The following LHFPL6 variants were observed in gnomAD, a reference collection of about 807,000 sequenced individuals.
LHFPL6 encodes LHFPL tetraspan subfamily member 6.
In LHFPL6, 9 loss-of-function variants were observed where a neutral mutation model predicts 20.6. The observed-to-expected ratio is 0.44, with a 90% CI of 0.26 to 0.76. LHFPL6 has a LOEUF of 0.76. Among genes scored for constraint, LHFPL6 ranks in the 30% least tolerant of loss-of-function variants. The pLI is 0.20. For synonymous variants in LHFPL6, 105 were observed against 98.7 expected, an observed-to-expected ratio of 1.06 and a Z score of -0.38; for missense variants, 218 against 253.5, an observed-to-expected ratio of 0.86 and a Z score of 0.95.
At chr13:39,552,548 A>T (rs1024672610) in intron 2 of LHFPL6, among the ~76,000 whole-genome samples, 4 of 152,236 alleles carry the variant, frequency 2.6e-5, no homozygotes, top group Admixed American at 1.3e-4. Context: ...ATTCCACTTC[A>T]TAAGGGACAC....
chr13:39,403,758 A>G (rs1307918856), intron 2 of LHFPL6, among the ~76,000 whole-genome samples: 1 of 152,222 alleles, frequency 6.6e-6, no homozygotes, highest in Non-Finnish European at 1.5e-5. Context: ...TAAGATATTC[A>G]AAGTATGTGC....
At chr13:39,344,291 T>C (rs1221617432) in intron 3 of LHFPL6, among the ~76,000 whole-genome samples, 1 of 151,600 alleles carries the variant, frequency 6.6e-6, no homozygotes, top group Non-Finnish European at 1.5e-5. Context: ...AGAAGTCTAG[T>C]CTCCTCCACC....
At chr13:39,476,179 T>G (rs1873080054) in intron 2 of LHFPL6, among the ~76,000 whole-genome samples, 1 of 152,218 alleles carries the variant, frequency 6.6e-6, no homozygotes. Flanking sequence ...AACATCTATT[T>G]GTTTAATTTT....
chr13:39,564,084 A>G (rs1023630714), intron 2 of LHFPL6, among the ~76,000 whole-genome samples: 1 of 151,242 alleles, frequency 6.6e-6, no homozygotes, highest in Admixed American at 6.6e-5. Context: ...GAGAGTCATT[A>G]AATCCAGGAG....
intron 2 of LHFPL6, among the ~76,000 whole-genome samples, chr13:39,534,798 G>T (rs1870567255): frequency 6.6e-6 from 1 of 152,138 alleles, no homozygotes; most frequent in South Asian, 2.1e-4. Flanking sequence ...TACATAAATT[G>T]AAATTAATAA....
intron 2 of LHFPL6, among the ~76,000 whole-genome samples, chr13:39,436,191 T>C (rs1052715750): frequency 2.0e-5 from 3 of 152,196 alleles, no homozygotes; most frequent in Admixed American, 2.0e-4. Context: ...TAAGAAAATT[T>C]TGTGCAGCCA....
chr13:39,490,023 T>C (rs1267195984), intron 2 of LHFPL6, among the ~76,000 whole-genome samples: 1 of 152,036 alleles, frequency 6.6e-6, no homozygotes, highest in Non-Finnish European at 1.5e-5. Flanking sequence ...TCAAATCAAA[T>C]CCAAACTGCT....
chr13:39,586,714 C>T (rs953439284), intron 2 of LHFPL6, among the ~76,000 whole-genome samples: 6 of 152,204 alleles, frequency 3.9e-5, no homozygotes, highest in Non-Finnish European at 7.3e-5. Context: ...TTCTCACCAT[C>T]GCTGGCCAAC....
intron 2 of LHFPL6, among the ~76,000 whole-genome samples, chr13:39,389,960 C>T (rs1870660924): frequency 6.6e-6 from 1 of 152,064 alleles, no homozygotes; most frequent in African/African-American, 2.4e-5. Context: ...AGAGTTAAAC[C>T]TCTCTCCCCA....
At chr13:39,399,146 T>C (rs1488942519) in intron 2 of LHFPL6, among the ~76,000 whole-genome samples, 3 of 152,212 alleles carry the variant, frequency 2.0e-5, no homozygotes, top group African/African-American at 7.2e-5. Context: ...AAAGGGGCTT[T>C]CAAAGTTTCA....
intron 2 of LHFPL6, among the ~76,000 whole-genome samples, chr13:39,522,964 CAT>C (rs2138487228): frequency 6.6e-6 from 1 of 151,922 alleles, no homozygotes; most frequent in South Asian, 2.1e-4. Flanking sequence ...GTTGGAATAC[CAT>C]ATGAGTAGGT....
intron 3 of LHFPL6, among the ~76,000 whole-genome samples, chr13:39,376,202 G>T (rs1033075286): frequency 2.6e-5 from 4 of 152,098 alleles, no homozygotes; most frequent in African/African-American, 4.8e-5. Flanking sequence ...ACAGGATCAT[G>T]ATCAAGTTGA....
Position 39,378,481 on chromosome 13 carries a change from T to A in LHFPL6, c.431A>T (p.Asp144Val), listed in dbSNP as rs140649130. ...AGCALYPLGW[D>V]SEEVRQTCGY... ...ACAAGTCTGCCGGACTTCCTCACTGTCCCAGCCCAAGGGGTAGAGGGCACA... is the reference window on the plus strand; with the variant it reads ...ACAAGTCTGCCGGACTTCCTCACTGACCCAGCCCAAGGGGTAGAGGGCACA... The change falls in exon 3 of 4, where the codon GAC (aspartate) becomes GTC (valine). Residue 144 changes from aspartate (D) to valine (V), a missense_variant. Transcript: ENST00000379589. 3.7e-5 allele frequency: 59 copies of A among 1,613,820 alleles called. No homozygotes were observed. The highest frequency in any genetic ancestry group is 4.8e-5 in the Non-Finnish European group (57 of 1,179,950).
intron 2 of LHFPL6, among the ~76,000 whole-genome samples, chr13:39,502,954 G>A (rs1869345404): frequency 6.6e-6 from 1 of 152,116 alleles, no homozygotes; most frequent in Non-Finnish European, 1.5e-5. Flanking sequence ...GGGCAGTGGT[G>A]CGATCATAGC....
rs1870355048 is a variant in LHFPL6, at chr13:39,378,546, G to A, written c.386-20C>T. The A allele has an allele frequency of 3.1e-6, 5 of 1,590,590 alleles. No individual in the cohort carries two copies. Among genetic ancestry groups the A allele is most frequent in the Non-Finnish European group, 4.3e-6 (5 of 1,158,972 alleles). On this transcript the variant is annotated intron_variant, in intron 2 of 3. Transcript: ENST00000379589. ...ACAAGCCTGCAAAGAGATAAGACAAGAGGGCTTTACCAGTGCTTCTCTGCA... is the reference window on the plus strand; with the variant it reads ...ACAAGCCTGCAAAGAGATAAGACAAAAGGGCTTTACCAGTGCTTCTCTGCA...
chr13:39,591,555 T>C (rs1872591869), intron 2 of LHFPL6, among the ~76,000 whole-genome samples: 1 of 152,182 alleles, frequency 6.6e-6, no homozygotes, highest in Admixed American at 6.6e-5. Context: ...CACTCTAAGC[T>C]TAACAGTGGT....
At chr13:39,571,352 T>C (rs1242028987) in intron 2 of LHFPL6, among the ~76,000 whole-genome samples, 3 of 152,208 alleles carry the variant, frequency 2.0e-5, no homozygotes, top group Non-Finnish European at 2.9e-5. Flanking sequence ...CCTTTCCTAA[T>C]TGGTCTTCTA....
At chr13:39,536,965 AG>A (rs1870638490) in intron 2 of LHFPL6, among the ~76,000 whole-genome samples, 3 of 152,334 alleles carry the variant, frequency 2.0e-5, no homozygotes, top group Admixed American at 2.0e-4. Context: ...CATATCCAAA[AG>A]AAGCTCAGAC....
intron 2 of LHFPL6, among the ~76,000 whole-genome samples, chr13:39,459,592 C>T (rs1872645210): frequency 6.6e-6 from 1 of 152,114 alleles, no homozygotes; most frequent in Non-Finnish European, 1.5e-5. Context: ...TCCTTGAAAG[C>T]AAGACTTTCT....
Sources: gnomAD v4.1 joint callset for allele counts (sites outside exome capture counted in the v4.1 genomes callset) on GRCh38, gnomAD v4.1.1 for gene constraint, MANE v1.5 for transcripts, NCBI Gene and HGNC (gene_info 2026-07-23, HGNC 2026-07-21) for gene names.